CFAP54: variants seen among roughly 807,000 people sequenced by gnomAD.
CFAP54 encodes the protein cilia- and flagella-associated protein 54.
Under a neutral mutation model 370.4 loss-of-function variants are expected in CFAP54, and 290 were observed. The observed-to-expected ratio is 0.78, with a 90% CI of 0.71 to 0.86. CFAP54 has a LOEUF of 0.86. CFAP54 is among the 40% of genes least tolerant of loss of function. The pLI is 0.00. For missense variants in CFAP54, 3,399 were observed against 3,528.7 expected, an observed-to-expected ratio of 0.96 and a Z score of 0.93; for synonymous variants, 1,206 against 1,236.5, an observed-to-expected ratio of 0.98 and a Z score of 0.52.
At chr12:96,676,409 T>A (rs867483119) in intron 39 of CFAP54, among the ~76,000 whole-genome samples, 18 of 152,200 alleles carry the variant, frequency 1.2e-4, no homozygotes, top group Admixed American at 7.2e-4. Context: ...TGTTATGGGC[T>A]GAATATTTGT....
intron 63 of CFAP54, among the ~76,000 whole-genome samples, chr12:96,807,737 T>A (rs7977866): frequency 0.011 from 1,626 of 152,246 alleles, 37 homozygotes; most frequent in African/African-American, 0.037. Flanking sequence ...GGAGATCGAA[T>A]GGGAAGTCAT....
chr12:96,791,692 T>TG (rs972309349), intron 62 of CFAP54, among the ~76,000 whole-genome samples: 15 of 152,122 alleles, frequency 9.9e-5, no homozygotes, highest in Admixed American at 9.2e-4. Context: ...TATTCACCAG[T>TG]GAAAAAAACA....
intron 66 of CFAP54, among the ~76,000 whole-genome samples, chr12:96,831,003 T>G (rs1959169257): frequency 2.6e-5 from 4 of 152,194 alleles, no homozygotes; most frequent in Admixed American, 2.6e-4. Context: ...CTCCTCCTCT[T>G]CTAATGGTTA....
intron 39 of CFAP54, among the ~76,000 whole-genome samples, chr12:96,673,786 T>C (rs1183729607): frequency 6.6e-6 from 1 of 152,236 alleles, no homozygotes; most frequent in Non-Finnish European, 1.5e-5. Flanking sequence ...TGGCATTTAG[T>C]GGTGATGCGA....
In CFAP54 at chr12:96,563,199, C is replaced by T. The variant is rs115976749; in HGVS notation, c.2411-1269C>T. Reference sequence around the variant, plus strand: ...CCAAATGAGTTTTGATCATAGACCACTTAAAGATATTGATGCAAGACTTGA... The same window carrying T: ...CCAAATGAGTTTTGATCATAGACCATTTAAAGATATTGATGCAAGACTTGA... On this transcript the variant is annotated intron_variant, in intron 17 of 67. Coordinates refer to ENST00000524981, the MANE Select transcript of CFAP54 (RefSeq NM_001306084.2). Among the ~76,000 whole-genome samples the T allele has an allele frequency of 8.6e-3, 1,308 of 152,202 alleles. 23 individuals carry two copies. Among genetic ancestry groups the T allele is most frequent in the African/African-American group, 0.029 (1,208 of 41,528 alleles).
intron 25 of CFAP54, among the ~76,000 whole-genome samples, chr12:96,594,651 T>A (rs1160504252): frequency 6.6e-6 from 1 of 152,226 alleles, no homozygotes; most frequent in Non-Finnish European, 1.5e-5. Flanking sequence ...TAGGTTTCTC[T>A]GAAAATATTC....
In CFAP54 at chr12:96,771,609, G is replaced by T. The variant is rs539964697; in HGVS notation, c.8281+6391G>T. Reference sequence around the variant, plus strand: ...GGAGCTTGCAGTGAGCCGAGATAGCGCCACTGCACTCCGGCCTGGGCAAAA... The same window carrying T: ...GGAGCTTGCAGTGAGCCGAGATAGCTCCACTGCACTCCGGCCTGGGCAAAA... On this transcript the variant is annotated intron_variant, in intron 60 of 67. Transcript: ENST00000524981. Among the ~76,000 whole-genome samples, 119 of 152,132 alleles carry T rather than the reference G, an allele frequency of 7.8e-4. 1 individual carries two copies. The highest frequency in any genetic ancestry group is 3.7e-3 in the Admixed American group (56 of 15,272).
chr12:96,557,495 T>C (rs921146019), intron 17 of CFAP54, among the ~76,000 whole-genome samples: 11 of 152,118 alleles, frequency 7.2e-5, no homozygotes, highest in African/African-American at 2.7e-4. Context: ...AGGATGCTTG[T>C]AGAAGCAGTG....
intron 65 of CFAP54, among the ~76,000 whole-genome samples, chr12:96,825,959 A>C (rs1959096485): frequency 7.0e-6 from 1 of 142,442 alleles, no homozygotes; most frequent in Admixed American, 7.3e-5. Context: ...ATATAAATTA[A>C]TATATAACAT....
At chr12:96,516,689 C>T (rs1049789756) in intron 5 of CFAP54, among the ~76,000 whole-genome samples, 1 of 152,180 alleles carries the variant, frequency 6.6e-6, no homozygotes, top group Non-Finnish European at 1.5e-5. Flanking sequence ...TTAAAGAATA[C>T]ATCTAGAATC....
chr12:96,702,967 C>T (rs1241151829), intron 46 of CFAP54, among the ~76,000 whole-genome samples: 1 of 152,132 alleles, frequency 6.6e-6, no homozygotes, highest in Non-Finnish European at 1.5e-5. Context: ...ATCATCAAAT[C>T]TAAAGTCCCA....
chr12:96,727,384 G>A (rs2136620415), intron 50 of CFAP54, among the ~76,000 whole-genome samples: 1 of 149,526 alleles, frequency 6.7e-6, no homozygotes, highest in Admixed American at 6.6e-5. Context: ...TATATATTTA[G>A]GATAGTTAGC....
At chr12:96,580,508 T>C (rs1956021992) in intron 20 of CFAP54, 89 bp from the exon 21 acceptor site, 2 of 658,458 alleles carry the variant, frequency 3.0e-6, no homozygotes, top group South Asian at 6.3e-5. Flanking sequence ...AAAACCTGAA[T>C]CATTACATTT....
chr12:96,823,718 G>A (rs1959057569), intron 65 of CFAP54, among the ~76,000 whole-genome samples: 1 of 152,150 alleles, frequency 6.6e-6, no homozygotes, highest in South Asian at 2.1e-4. Context: ...GTGGCCTATA[G>A]GAGGAATTTG....
chr12:96,637,189 G>C (rs910452922), intron 32 of CFAP54, among the ~76,000 whole-genome samples: 1 of 151,956 alleles, frequency 6.6e-6, no homozygotes, highest in Non-Finnish European at 1.5e-5. Flanking sequence ...ACTTAGCATC[G>C]TGTTTTCCAG....
In CFAP54 at chr12:96,699,986, G is replaced by C. The variant is rs766563254; in HGVS notation, c.6367G>C (p.Asp2123His). The C allele has an allele frequency of 6.3e-7, 1 of 1,578,814 alleles. No homozygotes were observed. The highest frequency in any genetic ancestry group is 1.1e-5 in the South Asian group (1 of 87,754). ...ARILKIEVLI[D>H]LRFFSEAFYE... ...TCCTTTACAGATAGAAGTCCTTATA[G>C]ATTTGAGATTCTTTTCTGAAGCCTT... is the stretch of plus-strand genomic sequence containing the variant. Residue 2123 changes from aspartate (D) to histidine (H), a missense_variant, in exon 46 of 68, where the codon GAT becomes CAT. By Grantham distance (81) the Asp-to-His change is moderately conservative. Coordinates refer to ENST00000524981, the MANE Select transcript of CFAP54 (RefSeq NM_001306084.2).
intron 14 of CFAP54, among the ~76,000 whole-genome samples, chr12:96,545,997 C>T (rs1293921588): frequency 1.3e-5 from 2 of 152,190 alleles, no homozygotes; most frequent in African/African-American, 4.8e-5. Context: ...ATAAACATAA[C>T]TGTTTCCCTG....
intron 39 of CFAP54, among the ~76,000 whole-genome samples, chr12:96,666,429 A>T (rs1957081111): frequency 6.6e-6 from 1 of 152,242 alleles, no homozygotes; most frequent in Admixed American, 6.5e-5. Context: ...TCATAAAGAC[A>T]TACCTGGGAC....
chr12:96,517,805 C>T (rs1247418079), intron 5 of CFAP54, among the ~76,000 whole-genome samples: 2 of 152,186 alleles, frequency 1.3e-5, no homozygotes, highest in East Asian at 1.9e-4. Flanking sequence ...GAAGGCCAAT[C>T]ATGGTGGAGA....
Sources: allele counts gnomAD v4.1 joint callset (sites outside exome capture counted in the v4.1 genomes callset), GRCh38; gene constraint gnomAD v4.1.1; transcripts MANE v1.5; gene names NCBI Gene and HGNC (gene_info 2026-07-23, HGNC 2026-07-21).